Variants in TNIK observed in about 807,000 individuals in gnomAD.
TNIK encodes the protein TRAF2 and NCK-interacting protein kinase.
Under a neutral mutation model 191.3 loss-of-function variants are expected in TNIK, and 49 were observed. That is an observed-to-expected ratio of 0.26 (90% CI 0.20 to 0.32). TNIK has a LOEUF of 0.32. Among genes scored for constraint, TNIK ranks in the 10% least tolerant of loss-of-function variants. The pLI, the probability that TNIK is intolerant of heterozygous loss-of-function variation, is 1.00. For synonymous variants in TNIK, 594 were observed against 600.9 expected (o/e 0.99, Z 0.17); for missense variants, 1,155 against 1,702.3 (o/e 0.68, Z 5.66).
At chr3:171,331,362 G>C (rs1009235247) in intron 2 of TNIK, among the ~76,000 whole-genome samples, 1 of 152,154 alleles carries the variant, frequency 6.6e-6, no homozygotes, top group Admixed American at 6.5e-5. Context: ...TTTCTGTGAT[G>C]GCTTGACTTG....
At chr3:171,267,849 T>C (rs61792445) in intron 2 of TNIK, among the ~76,000 whole-genome samples, 30,992 of 152,202 alleles carry the variant, frequency 0.2, 3,393 homozygotes, top group South Asian at 0.25. Context: ...ACAGGTTTAC[T>C]GAGCTCCCAC....
chr3:171,120,984 T>C (rs890315180), intron 18 of TNIK, among the ~76,000 whole-genome samples: 1 of 152,178 alleles, frequency 6.6e-6, no homozygotes, highest in African/African-American at 2.4e-5. Context: ...AGCTTCAGTA[T>C]ATATTTGCTG....
rs565565721 is a variant in TNIK at position 171,253,597 on chromosome 3, C to A, written c.124-25376G>T. Among the ~76,000 whole-genome samples the A allele has an allele frequency of 2.9e-5, 4 of 138,098 alleles. No homozygotes were observed. In the East Asian group the frequency reaches 7.1e-4, roughly 24 times the overall value. 90.6% of individuals were successfully genotyped at this position (138,098 alleles called of 152,430 possible). The stretch of plus-strand genomic sequence containing the variant: ...AGAAATCAGAAGACAGGTCCCCCCC[C>A]CACCCCACCCCCAGTTATCTCAAAT... On this transcript the variant is annotated intron_variant, in intron 2 of 32. Coordinates refer to ENST00000436636, the MANE Select transcript of TNIK (RefSeq NM_015028.4).
intron 1 of TNIK, among the ~76,000 whole-genome samples, chr3:171,426,337 T>C (rs891679984): frequency 2.2e-5 from 3 of 139,348 alleles, no homozygotes; most frequent in African/African-American, 8.1e-5. Context: ...TTCTCACTCA[T>C]AGGTGGGAAT....
At chr3:171,101,345 C>T in intron 22 of TNIK, 104 bp downstream of exon 22, 1 of 1,310,488 alleles carries the variant, frequency 7.6e-7, no homozygotes. Flanking sequence ...ATTTATCTTG[C>T]CACAGACCCA....
chr3:171,234,687 A>G (rs1054740171), intron 2 of TNIK, among the ~76,000 whole-genome samples: 92 of 152,200 alleles, frequency 6.0e-4, no homozygotes, highest in African/African-American at 2.1e-3. Flanking sequence ...TATAAATCAA[A>G]ATGGATGCTT....
At chr3:171,141,338 G>T (rs1019658451) in intron 12 of TNIK, among the ~76,000 whole-genome samples, 2 of 152,156 alleles carry the variant, frequency 1.3e-5, no homozygotes, top group African/African-American at 4.8e-5. Flanking sequence ...CCAGTAAATG[G>T]CAGAGCTTGA....
chr3:171,455,384 C>G (rs567073513), intron 1 of TNIK, among the ~76,000 whole-genome samples: 1 of 151,636 alleles, frequency 6.6e-6, no homozygotes, highest in Non-Finnish European at 1.5e-5. Flanking sequence ...GCTGGGACCA[C>G]AGGCACACAC....
intron 2 of TNIK, among the ~76,000 whole-genome samples, chr3:171,308,035 G>A (rs1410561689): frequency 6.6e-6 from 1 of 151,840 alleles, no homozygotes; most frequent in African/African-American, 2.4e-5. Context: ...TATTTCTATT[G>A]AACTACCAAT....
At chr3:171,255,853 T>G (rs1560329103) in intron 2 of TNIK, among the ~76,000 whole-genome samples, 1 of 152,208 alleles carries the variant, frequency 6.6e-6, no homozygotes, top group South Asian at 2.1e-4. Context: ...ACAGTTTCTC[T>G]ACTTTCTAGG....
intron 2 of TNIK, among the ~76,000 whole-genome samples, chr3:171,332,566 G>A (rs1756516317): frequency 6.6e-6 from 1 of 152,202 alleles, no homozygotes; most frequent in Middle Eastern, 3.2e-3. Context: ...CCTCAGGACA[G>A]AATATCTGCT....
intron 1 of TNIK, among the ~76,000 whole-genome samples, chr3:171,427,219 G>A (rs1484013570): frequency 6.6e-6 from 1 of 152,108 alleles, no homozygotes; most frequent in African/African-American, 2.4e-5. Flanking sequence ...TCCCCAGTCA[G>A]CTCCTCTCCA....
At chr3:171,150,715 C>G (rs1389048290) in intron 12 of TNIK, among the ~76,000 whole-genome samples, 1 of 152,172 alleles carries the variant, frequency 6.6e-6, no homozygotes, top group Non-Finnish European at 1.5e-5. Context: ...AACAAGAAAT[C>G]CGCAAAAGGA....
chr3:171,247,022 G>A (rs1186298355), intron 2 of TNIK, among the ~76,000 whole-genome samples: 2 of 152,254 alleles, frequency 1.3e-5, no homozygotes, highest in African/African-American at 4.8e-5. Context: ...TTAAGTCTGT[G>A]TATGGCTATG....
intron 13 of TNIK, 77 bp downstream of exon 13, chr3:171,140,321 AG>A (rs2108633196): frequency 8.4e-7 from 1 of 1,189,852 alleles, no homozygotes; most frequent in Non-Finnish European, 1.2e-6. Flanking sequence ...TCCTCAGAAA[AG>A]GTGACCCACA....
intron 28 of TNIK, among the ~76,000 whole-genome samples, chr3:171,075,939 T>C (rs1719859815): frequency 6.6e-6 from 1 of 152,160 alleles, no homozygotes; most frequent in Non-Finnish European, 1.5e-5. Flanking sequence ...GGTTTCACTA[T>C]GTTGGCCAGG....
At chr3:171,156,035 A>G (rs180768018) in intron 12 of TNIK, among the ~76,000 whole-genome samples, 2 of 152,340 alleles carry the variant, frequency 1.3e-5, no homozygotes, top group African/African-American at 4.8e-5. Flanking sequence ...AGTACCCTGC[A>G]ACATGGGACC....
chr3:171,437,640 G>A (rs184449635), intron 1 of TNIK, among the ~76,000 whole-genome samples: 3 of 152,146 alleles, frequency 2.0e-5, no homozygotes, highest in African/African-American at 7.2e-5. Flanking sequence ...GCCCTTCTCT[G>A]CCAACAGTCA....
At chr3:171,231,329 GTTTT>G (rs932327154) in intron 2 of TNIK, among the ~76,000 whole-genome samples, 1 of 139,138 alleles carries the variant, frequency 7.2e-6, no homozygotes, top group Non-Finnish European at 1.6e-5. Context: ...TTTTTTTTTT[GTTTT>G]TTTAAGTAGC....
Sources: allele counts gnomAD v4.1 joint callset (sites outside exome capture counted in the v4.1 genomes callset), GRCh38; gene constraint gnomAD v4.1.1; transcripts MANE v1.5; gene names NCBI Gene and HGNC (gene_info 2026-07-23, HGNC 2026-07-21).